LRRC4C: variants seen among roughly 807,000 people sequenced by gnomAD.
LRRC4C encodes the protein leucine rich repeat containing 4C.
A neutral mutation model predicts 33.6 loss-of-function variants in LRRC4C; 5 were observed. The observed-to-expected ratio is 0.15, with a 90% CI of 0.08 to 0.31. The LOEUF (loss-of-function observed/expected upper bound fraction) is 0.31, where lower values mean the gene tolerates loss of function less well. LRRC4C is among the 10% of genes least tolerant of loss of function. The pLI is 1.00. For synonymous variants in LRRC4C, 329 were observed against 302.0 expected (o/e 1.09, Z -0.93); for missense variants, 560 against 796.7 (o/e 0.70, Z 3.58).
At chr11:40,945,023 C>CTTTTTT (rs767515626) in intron 1 of LRRC4C, among the ~76,000 whole-genome samples, 24 of 111,082 alleles carry the variant, frequency 2.2e-4, no homozygotes, top group Non-Finnish European at 3.1e-4. Flanking sequence ...TGCAGTTTTT[C>CTTTTTT]TTTTTTTTTT....
chr11:41,106,650 T>C (rs1299519762), intron 1 of LRRC4C, among the ~76,000 whole-genome samples: 1 of 152,106 alleles, frequency 6.6e-6, no homozygotes, highest in Non-Finnish European at 1.5e-5. Context: ...TTTTTCATCA[T>C]CTTTCTCATA....
At chr11:40,737,506 G>A (rs181755425) in intron 2 of LRRC4C, among the ~76,000 whole-genome samples, 169 of 152,150 alleles carry the variant, frequency 1.1e-3, no homozygotes, top group African/African-American at 3.9e-3. Flanking sequence ...AAGCTGATAA[G>A]CAACTTCAGC....
At chr11:40,492,980 GAGA>G (rs1479862091) in intron 3 of LRRC4C, among the ~76,000 whole-genome samples, 1 of 151,840 alleles carries the variant, frequency 6.6e-6, no homozygotes, top group African/African-American at 2.4e-5. Flanking sequence ...TGTTATAAGT[GAGA>G]AGGTCTACTT....
Position 40,119,041 on chromosome 11 carries a change from GGAA to G in LRRC4C, c.-42-2710_-42-2708del, listed in dbSNP as rs373284834. Among the ~76,000 whole-genome samples, 92 of 152,226 alleles carry G rather than the reference GGAA, an allele frequency of 6.0e-4. 3 individuals carry two copies. The South Asian group carries it at 0.018, about 29-fold the overall frequency. On this transcript the variant is annotated intron_variant, in intron 6 of 6. Transcript: ENST00000528697. ...TCCTTGTCTACCACCAAAGGCTTGA[GGAA>G]GAAGGGCTGGCTCTTTTTTAGGACA...
chr11:40,735,857 G>A, intron 2 of LRRC4C, among the ~76,000 whole-genome samples: 1 of 150,752 alleles, frequency 6.6e-6, no homozygotes, highest in African/African-American at 2.4e-5. Context: ...CATTCTAACT[G>A]GTGTGAGATG....
intron 1 of LRRC4C, among the ~76,000 whole-genome samples, chr11:41,014,105 T>C (rs776871136): frequency 1.3e-5 from 2 of 152,234 alleles, no homozygotes; most frequent in South Asian, 2.1e-4. Context: ...CATCTATGCA[T>C]GGTGGAAGGG....
At chr11:40,370,067 G>A (rs1207516809) in intron 3 of LRRC4C, among the ~76,000 whole-genome samples, 6 of 152,136 alleles carry the variant, frequency 3.9e-5, no homozygotes, top group Admixed American at 6.5e-5. Context: ...ACATCTGCAA[G>A]AGGATGTTAT....
chr11:40,141,609 T>A (rs1857372887), intron 5 of LRRC4C, among the ~76,000 whole-genome samples: 1 of 152,152 alleles, frequency 6.6e-6, no homozygotes, highest in Non-Finnish European at 1.5e-5. Context: ...GAAAGATCCC[T>A]CACAATTAGT....
At chr11:40,457,222 A>G (rs1170063274) in intron 3 of LRRC4C, among the ~76,000 whole-genome samples, 1 of 152,046 alleles carries the variant, frequency 6.6e-6, no homozygotes, top group African/African-American at 2.4e-5. Context: ...TATGAAGTAG[A>G]GAACAATTAT....
At chr11:40,517,737 T>C (rs1955624235) in intron 3 of LRRC4C, among the ~76,000 whole-genome samples, 1 of 115,238 alleles carries the variant, frequency 8.7e-6, no homozygotes, top group African/African-American at 2.8e-5. Flanking sequence ...CTTCACAGAA[T>C]TGGGGGGAAA....
chr11:41,296,638 A>G (rs1950151999), intron 1 of LRRC4C, among the ~76,000 whole-genome samples: 1 of 152,138 alleles, frequency 6.6e-6, no homozygotes, highest in South Asian at 2.1e-4. Flanking sequence ...AGGTCCCCAA[A>G]TAAGAACGAG....
chr11:40,248,889 G>A lies in LRRC4C; in HGVS notation c.-175-7291C>T, dbSNP rs967303296. Among the ~76,000 whole-genome samples the A allele has an allele frequency of 1.5e-4, 23 of 152,230 alleles. 1 individual carries two copies. The South Asian group carries it at 2.7e-3, about 18-fold the overall frequency. On this transcript the variant is annotated intron_variant, in intron 4 of 6. Coordinates refer to ENST00000528697, the MANE Select transcript of LRRC4C (RefSeq NM_001258419.2). ...AATATGTATTTAGACATTGTCCTCTGAGGAGTAGGTAAAACTGTCCCTAGT... is the reference window on the plus strand; with the variant it reads ...AATATGTATTTAGACATTGTCCTCTAAGGAGTAGGTAAAACTGTCCCTAGT...
intron 3 of LRRC4C, among the ~76,000 whole-genome samples, chr11:40,555,823 A>G (rs1957312507): frequency 6.6e-6 from 1 of 152,264 alleles, no homozygotes; most frequent in South Asian, 2.1e-4. Context: ...AGCAACAGAC[A>G]ATATTTGATT....
intron 2 of LRRC4C, among the ~76,000 whole-genome samples, chr11:40,717,697 T>G (rs1436793438): frequency 6.6e-6 from 1 of 152,096 alleles, no homozygotes; most frequent in Non-Finnish European, 1.5e-5. Context: ...CCTGACCAGA[T>G]GATTATTATT....
At chr11:41,067,494 A>G (rs116092713) in intron 1 of LRRC4C, among the ~76,000 whole-genome samples, 1,638 of 152,314 alleles carry the variant, frequency 0.011, 40 homozygotes, top group African/African-American at 0.037. Flanking sequence ...GACTGTCAAT[A>G]TTAGACAGCT....
At chr11:40,172,073 G>A (rs558944729) in intron 5 of LRRC4C, among the ~76,000 whole-genome samples, 1 of 152,244 alleles carries the variant, frequency 6.6e-6, no homozygotes, top group Admixed American at 6.5e-5. Context: ...TTTTAGCCAT[G>A]TGAGGACATA....
chr11:40,395,091 C>A (rs981763884), intron 3 of LRRC4C, among the ~76,000 whole-genome samples: 8 of 152,096 alleles, frequency 5.3e-5, no homozygotes, highest in African/African-American at 1.7e-4. Flanking sequence ...TAGATGGAGT[C>A]AATTCACACA....
At chr11:40,737,642 A>G (rs1947949699) in intron 2 of LRRC4C, among the ~76,000 whole-genome samples, 1 of 152,116 alleles carries the variant, frequency 6.6e-6, no homozygotes, top group Non-Finnish European at 1.5e-5. Context: ...AGAATAAAAT[A>G]CCTAGGAATA....
intron 1 of LRRC4C, among the ~76,000 whole-genome samples, chr11:41,455,760 ATGAGT>A (rs1956154721): frequency 6.6e-6 from 1 of 152,176 alleles, no homozygotes; most frequent in African/African-American, 2.4e-5. Flanking sequence ...CAACAACACT[ATGAGT>A]TAAGAATAGT....
Sources: gnomAD v4.1 joint callset for allele counts (sites outside exome capture counted in the v4.1 genomes callset) on GRCh38, gnomAD v4.1.1 for gene constraint, MANE v1.5 for transcripts, NCBI Gene and HGNC (gene_info 2026-07-23, HGNC 2026-07-21) for gene names.